The following RNF123 variants were observed in gnomAD, a reference collection of about 807,000 sequenced individuals.
The protein encoded by RNF123 is E3 ubiquitin-protein ligase RNF123.
RNF123 carries 86 observed loss-of-function variants against 168.5 expected under a neutral mutation model. That is an observed-to-expected ratio of 0.51 (90% confidence interval 0.43 to 0.61). The LOEUF (loss-of-function observed/expected upper bound fraction) is 0.61. Ranked by LOEUF, RNF123 falls within the 20% of genes least tolerant of loss-of-function variation. The pLI is 0.00. For missense variants in RNF123, 1,419 were observed against 1,729.7 expected (o/e 0.82, Z 3.19); for synonymous variants, 666 against 689.1 (o/e 0.97, Z 0.52).
intron 35 of RNF123, chr3:49,718,835 T>G: frequency 6.2e-7 from 1 of 1,613,424 alleles, no homozygotes; most frequent in Non-Finnish European, 8.5e-7. Context: ...AGGCCGTTCT[T>G]GAGGAAGGCC....
At chr3:49,703,675 C>A in intron 21 of RNF123, 147 bp downstream of exon 21, 1 of 619,498 alleles carries the variant, frequency 1.6e-6, no homozygotes, top group Non-Finnish European at 2.8e-6. Context: ...AGACACTGAT[C>A]TGCCTGCCCT....
At position 49,720,879 on chromosome 3, in the gene RNF123, A is replaced by C. The variant is rs2080389979; in HGVS notation, c.3723A>C (p.Ala1241=). The C allele has an allele frequency of 6.2e-7, 1 of 1,614,036 alleles. No homozygotes were observed. Among genetic ancestry groups the C allele is most frequent in the Admixed American group, 1.7e-5 (1 of 60,008 alleles). The change falls in exon 37 of 39, where the codon GCA becomes GCC. Residue 1241 remains alanine, a synonymous_variant. Transcript: ENST00000327697. The part of the protein sequence containing the change: ...LAHLTSASAQ[A]AAASLPTSEE... ...ACCTGACCTCTGCATCTGCCCAGGC[A>C]GCAGCTGCCTCCCTGGTGAGTGGGA...
intron 1 of RNF123, among the ~76,000 whole-genome samples, 173 bp from the exon 2 acceptor site, chr3:49,690,957 T>C (rs2054147974): frequency 6.6e-6 from 1 of 152,214 alleles, no homozygotes; most frequent in Non-Finnish European, 1.5e-5. Context: ...GCCTAGACCC[T>C]GGCTACCCTC....
At chr3:49,693,238 C>T (rs1421692670) in intron 3 of RNF123, among the ~76,000 whole-genome samples, 3 of 150,704 alleles carry the variant, frequency 2.0e-5, no homozygotes, top group Non-Finnish European at 2.9e-5. Context: ...TTAGTAGAGA[C>T]GGGGTTTCAC....
intron 26 of RNF123, among the ~76,000 whole-genome samples, chr3:49,708,392 A>G (rs748630632): frequency 6.6e-6 from 1 of 152,156 alleles, no homozygotes; most frequent in African/African-American, 2.4e-5. Flanking sequence ...TCCCTTCCCC[A>G]GCTTCCCTGA....
chr3:49,712,980 C>T, intron 27 of RNF123: 1 of 699,540 alleles, frequency 1.4e-6, no homozygotes, highest in South Asian at 1.5e-5. Flanking sequence ...TGCACCTTGA[C>T]TCCCTGGCAC....
At chr3:49,713,190 C>T (rs1012714300) in intron 27 of RNF123, 5 of 590,646 alleles carry the variant, frequency 8.5e-6, no homozygotes, top group Admixed American at 3.0e-5. Flanking sequence ...CCACAGGCCT[C>T]AGTGCAGGCT....
rs2054304021 is a variant in RNF123 at position 49,698,102 on chromosome 3, G to A, written c.448G>A (p.Gly150Ser). ...LISSQGLMQI[G>S]WCTISCRFNQ... Reference sequence around the variant, plus strand: ...CTCCTCCCAGGGGCTCATGCAGATCGGCTGGTGCACCATCAGCTGCCGCTT... The same window carrying A: ...CTCCTCCCAGGGGCTCATGCAGATCAGCTGGTGCACCATCAGCTGCCGCTT... The change falls in exon 7 of 39, where the codon GGC (glycine) becomes AGC (serine). Residue 150 changes from glycine (G) to serine (S), a missense_variant. Physicochemically the swap from Gly to Ser is moderately conservative, Grantham distance 56. This residue lies in a region of RNF123 where 318 missense variants were observed against 446.6 expected (regional missense o/e 0.71). Transcript: ENST00000327697. 3.1e-6 allele frequency: 5 copies of A among 1,613,902 alleles called. No homozygotes were observed. The highest frequency in any genetic ancestry group is 4.2e-6 in the Non-Finnish European group (5 of 1,179,962).
Position 49,716,385 on chromosome 3 carries a change from C to A in RNF123, c.3416-8C>A. ...GGTGGCTCATCTCTTTCCTCCCCTT[C>A]CCCTCAGGCCTAGAGAGCGTGGACC... is the stretch of plus-strand genomic sequence containing the variant. On this transcript the variant is annotated splice_region_variant and splice_polypyrimidine_tract_variant and intron_variant, in intron 34 of 38. Coordinates refer to ENST00000327697, the MANE Select transcript of RNF123 (RefSeq NM_022064.5). 1.2e-6 allele frequency: 2 copies of A among 1,612,954 alleles called. No homozygotes were observed. The highest frequency in any genetic ancestry group is 1.7e-6 in the Non-Finnish European group (2 of 1,179,246).
intron 33 of RNF123, 29 bp from the exon 34 acceptor site, chr3:49,716,073 C>T (rs747881020): frequency 5.0e-6 from 8 of 1,613,532 alleles, no homozygotes; most frequent in Non-Finnish European, 6.8e-6. Flanking sequence ...CGCTCCCCAT[C>T]CACCAATGGA....
In RNF123 at chr3:49,715,819, C is replaced by T; in HGVS notation, c.3151-3C>T. 6 of 1,614,008 alleles carry T rather than the reference C, an allele frequency of 3.7e-6. No homozygotes were observed. The highest frequency in any genetic ancestry group is 1.7e-6 in the Non-Finnish European group (2 of 1,179,960). On this transcript the variant is annotated splice_polypyrimidine_tract_variant and splice_region_variant and intron_variant, in intron 32 of 38. Coordinates refer to ENST00000327697, the MANE Select transcript of RNF123 (RefSeq NM_022064.5). ...ACTGCATGCCCACGTGTTGGTGGCT[C>T]AGATCCAGCAGGCTGCTGAGCGCCT...
chr3:49,713,882 C>T, intron 29 of RNF123, 28 bp from the exon 30 acceptor site: 1 of 1,613,240 alleles, frequency 6.2e-7, no homozygotes, highest in Non-Finnish European at 8.5e-7. Context: ...CCAGCCTCAC[C>T]CCGTCTCTCC....
intron 35 of RNF123, chr3:49,718,546 A>G: frequency 6.2e-7 from 1 of 1,613,166 alleles, no homozygotes. Context: ...GGCAATGCGC[A>G]TGGCCGGGAC....
rs774296448 is a variant in RNF123 at position 49,699,527 on chromosome 3, C to T, written c.824C>T (p.Ala275Val). The T allele has an allele frequency of 6.2e-7, 1 of 1,612,868 alleles. No homozygotes were observed. The highest frequency in any genetic ancestry group is 8.5e-7 in the Non-Finnish European group (1 of 1,179,658). Residue 275 changes from alanine (A) to valine (V), a missense_variant, in exon 11 of 39, where the codon GCA (alanine) becomes GTA (valine). This residue lies in a region of RNF123 where 318 missense variants were observed against 446.6 expected (regional missense o/e 0.71). Coordinates refer to ENST00000327697, the MANE Select transcript of RNF123 (RefSeq NM_022064.5). The surrounding 1 kb of genome is among the most constrained non-coding windows in gnomAD (Gnocchi z 4.8). ...QDPPSADLVRAQRLLGCFRAV... is the reference protein window; with the variant it reads ...QDPPSADLVRVQRLLGCFRAV... ...CCACCGAGTGCTGACCTGGTGCGGGCACAGAGGTTGCTGGGCTGCTTCCGG... is the reference window on the plus strand; with the variant it reads ...CCACCGAGTGCTGACCTGGTGCGGGTACAGAGGTTGCTGGGCTGCTTCCGG...
intron 26 of RNF123, among the ~76,000 whole-genome samples, chr3:49,709,024 A>G (rs1331882550): frequency 3.9e-5 from 6 of 151,980 alleles, no homozygotes; most frequent in Admixed American, 1.3e-4. Flanking sequence ...CTGGAGTGCA[A>G]TGGTGCGATC....
In RNF123 at chr3:49,702,371, G is replaced by A. The variant is rs745334512; in HGVS notation, c.1595G>A (p.Arg532His). The A allele has an allele frequency of 6.8e-6, 11 of 1,614,068 alleles. No individual in the cohort carries two copies. The highest frequency in any genetic ancestry group is 2.2e-5 in the East Asian group (1 of 44,894). ...AGGTATATCTTCCTGACCAAGTTTC[G>A]CAAGTTTCTGCAGGAGAACGCCAGT... ...ASRYIFLTKFRKFLQENASGR... is the reference protein window; with the variant it reads ...ASRYIFLTKFHKFLQENASGR... The change falls in exon 19 of 39, where the codon CGC (arginine) becomes CAC (histidine). Residue 532 changes from arginine (R) to histidine (H), a missense_variant. Physicochemically the swap from Arg to His is conservative, Grantham distance 29 (BLOSUM62 0). This residue lies in a region of RNF123 where 349 missense variants were observed against 344.9 expected (regional missense o/e 1.01). Transcript: ENST00000327697.
intron 3 of RNF123, among the ~76,000 whole-genome samples, chr3:49,694,128 A>G (rs1361333045): frequency 1.3e-5 from 2 of 152,194 alleles, no homozygotes; most frequent in South Asian, 2.1e-4. Context: ...CTTATAATGT[A>G]TGTAGTTCAG....
At chr3:49,694,876 G>A (rs929513875) in intron 3 of RNF123, among the ~76,000 whole-genome samples, 2 of 152,050 alleles carry the variant, frequency 1.3e-5, no homozygotes, top group Non-Finnish European at 2.9e-5. Flanking sequence ...TGCTGTGGCC[G>A]CCAGGAGAGA....
intron 35 of RNF123, chr3:49,718,818 C>G: frequency 6.2e-7 from 1 of 1,613,358 alleles, no homozygotes; most frequent in African/African-American, 1.3e-5. Flanking sequence ...GGTTGTTGTG[C>G]AAGTAGAGGC....
Sources: allele counts gnomAD v4.1 joint callset (sites outside exome capture counted in the v4.1 genomes callset), GRCh38; gene constraint gnomAD v4.1.1; regional missense constraint gnomAD v4.1.1; non-coding constraint Gnocchi (gnomAD v3.1); transcripts MANE v1.5; gene names NCBI Gene and HGNC (gene_info 2026-07-23, HGNC 2026-07-21).